The following PRIM2 variants were observed in gnomAD, a reference collection of about 807,000 sequenced individuals.
The protein encoded by PRIM2 is DNA primase subunit 2, also known as DNA primase large subunit.
Under a neutral mutation model 67.3 loss-of-function variants are expected in PRIM2, and 39 were observed. That is an observed-to-expected ratio of 0.58 (90% CI 0.45 to 0.76). The LOEUF is 0.76. PRIM2 is among the 30% of genes least tolerant of loss of function. The pLI is 0.00. For synonymous variants in PRIM2, 143 were observed against 198.7 expected (o/e 0.72, Z 2.36); for missense variants, 398 against 598.7 (o/e 0.66, Z 3.50).
chr6:57,315,080 T>C (rs141577354), upstream of PRIM2, among the ~76,000 whole-genome samples: 215 of 152,348 alleles, frequency 1.4e-3, 1 homozygote, highest in African/African-American at 4.6e-3. Flanking sequence ...AGCATGAACA[T>C]ATATTTCCAG....
chr6:57,277,764 A>G, the PRIM2 span, among the ~76,000 whole-genome samples: 2 of 151,628 alleles, frequency 1.3e-5, no homozygotes, highest in South Asian at 4.2e-4. Context: ...GTGGATCACA[A>G]GGTCAGGAGA....
chr6:57,595,379 G>A (rs1296635725), intron 10 of PRIM2, among the ~76,000 whole-genome samples: 1 of 152,130 alleles, frequency 6.6e-6, no homozygotes, highest in Non-Finnish European at 1.5e-5. Flanking sequence ...GCGACCAGAT[G>A]TGTGGATTTT....
At chr6:57,325,735 C>A in intron 4 of PRIM2, 190 bp from the exon 5 acceptor site, 1 of 167,098 alleles carries the variant, frequency 6.0e-6, no homozygotes, top group Non-Finnish European at 1.2e-5. Context: ...ATACCTTGTA[C>A]CCAACCCATC....
In PRIM2 at chr6:57,371,096, A is replaced by T. The variant is rs557581315; in HGVS notation, c.460-8805A>T. The stretch of plus-strand genomic sequence containing the variant: ...TCAATGAGAAGAAATATTGCATTAA[A>T]CTCTAATTTTTATTTAAGTTCTTGA... On this transcript the variant is annotated intron_variant, in intron 5 of 13. Coordinates refer to ENST00000615550, the MANE Select transcript of PRIM2 (RefSeq NM_000947.5). 2.8e-5 allele frequency among the ~76,000 whole-genome samples: 4 copies of T among 144,848 alleles called. No homozygotes were observed. The East Asian group carries it at 5.9e-4, about 21-fold the overall frequency.
Position 57,454,689 on chromosome 6 carries a change from G to T in PRIM2, c.694-52698G>T, listed in dbSNP as rs1224748137. Among the ~76,000 whole-genome samples the T allele has an allele frequency of 1.3e-3, 192 of 151,896 alleles. 5 individuals are homozygous for T. In the East Asian group the frequency reaches 0.016, roughly 13 times the overall value. Reference sequence around the variant, plus strand: ...TTCTTCTCTCTTTTCTTCTTTATTAGTCTTGCTAGTGGTCTATCAATTTTG... The same window carrying T: ...TTCTTCTCTCTTTTCTTCTTTATTATTCTTGCTAGTGGTCTATCAATTTTG... On this transcript the variant is annotated intron_variant, in intron 7 of 13. Transcript: ENST00000615550.
chr6:57,482,582 A>AT (rs1437423243), intron 7 of PRIM2, among the ~76,000 whole-genome samples: 10,012 of 152,184 alleles, frequency 0.066, 688 homozygotes, highest in African/African-American at 0.17. Flanking sequence ...ACATTCAGGG[A>AT]TTTTTTCTTT....
At chr6:57,277,610 G>T in the PRIM2 span, among the ~76,000 whole-genome samples, 3 of 151,988 alleles carry the variant, frequency 2.0e-5, no homozygotes, top group Non-Finnish European at 4.4e-5. Flanking sequence ...GTTGGAGCCT[G>T]CTTCTGCTTG....
chr6:57,326,142 C>A, intron 5 of PRIM2, 97 bp downstream of exon 5: 1 of 1,374,280 alleles, frequency 7.3e-7, no homozygotes, highest in Non-Finnish European at 9.9e-7. Flanking sequence ...GTTCTCTTTA[C>A]ATTCTCCAAG....
chr6:57,565,574 C>T (rs1412941992), intron 10 of PRIM2, among the ~76,000 whole-genome samples: 74 of 152,186 alleles, frequency 4.9e-4, no homozygotes, highest in African/African-American at 1.8e-3. Context: ...CTCCCTTCAC[C>T]TTTTGTTCTA....
chr6:57,308,244 C>T, the PRIM2 span, among the ~76,000 whole-genome samples: 2 of 151,860 alleles, frequency 1.3e-5, no homozygotes, highest in Non-Finnish European at 2.9e-5. Context: ...CACCTCAGCC[C>T]CCAGAGTAGC....
chr6:57,402,800 C>A (rs1770756906), intron 7 of PRIM2, among the ~76,000 whole-genome samples: 1 of 151,960 alleles, frequency 6.6e-6, no homozygotes, highest in African/African-American at 2.4e-5. Flanking sequence ...TTACCCCTGC[C>A]CACAGATGTA....
chr6:57,501,024 T>C (rs1774119102), intron 7 of PRIM2, among the ~76,000 whole-genome samples: 1 of 152,302 alleles, frequency 6.6e-6, no homozygotes, highest in African/African-American at 2.4e-5. Context: ...GCTTTCACTG[T>C]CCCTAGTCTC....
upstream of PRIM2, among the ~76,000 whole-genome samples, chr6:57,311,094 G>T (rs1370367707): frequency 1.3e-5 from 2 of 148,658 alleles, no homozygotes; most frequent in East Asian, 2.0e-4. Context: ...CCCAGACGGG[G>T]TGGTGGCCGG....
At chr6:57,579,909 T>C (rs1223848237) in intron 10 of PRIM2, among the ~76,000 whole-genome samples, 5 of 152,158 alleles carry the variant, frequency 3.3e-5, no homozygotes, top group Non-Finnish European at 7.3e-5. Context: ...CAAAGTTATA[T>C]TTTTATATGT....
intron 13 of PRIM2, among the ~76,000 whole-genome samples, chr6:57,640,683 A>C (rs1466856517): frequency 3.9e-5 from 6 of 152,278 alleles, no homozygotes; most frequent in Middle Eastern, 6.8e-3. Flanking sequence ...GATGTGAAGG[A>C]CCTCTTGAAG....
chr6:57,399,893 A>T (rs942826715), intron 7 of PRIM2, among the ~76,000 whole-genome samples: 5 of 148,778 alleles, frequency 3.4e-5, no homozygotes, highest in African/African-American at 4.9e-5. Flanking sequence ...GGGTTGTTTG[A>T]TTTTTTTTCT....
intron 7 of PRIM2, among the ~76,000 whole-genome samples, chr6:57,458,431 C>G (rs892102205): frequency 6.6e-6 from 1 of 152,136 alleles, no homozygotes; most frequent in African/African-American, 2.4e-5. Context: ...CGCCTGTAAT[C>G]CCAGCACTTT....
the PRIM2 span, among the ~76,000 whole-genome samples, chr6:57,257,832 G>T: frequency 6.6e-6 from 1 of 152,104 alleles, no homozygotes; most frequent in African/African-American, 2.4e-5. Flanking sequence ...ACAGTGGGTC[G>T]TTCATAGTGA....
At chr6:57,301,363 T>C in the PRIM2 span, among the ~76,000 whole-genome samples, 4 of 151,976 alleles carry the variant, frequency 2.6e-5, no homozygotes, top group East Asian at 7.7e-4. Flanking sequence ...GGCCCATGCC[T>C]GTAATCCCAG....
Sources: allele counts gnomAD v4.1 joint callset (sites outside exome capture counted in the v4.1 genomes callset), GRCh38; gene constraint gnomAD v4.1.1; transcripts MANE v1.5; gene names NCBI Gene and HGNC (gene_info 2026-07-23, HGNC 2026-07-21).